Variants in SORCS2 observed in about 807,000 individuals in gnomAD.
The protein encoded by SORCS2 is sortilin related VPS10 domain containing receptor 2, also known as VPS10 domain-containing receptor SorCS2.
SORCS2 carries 100 observed loss-of-function variants against 141.6 expected under a neutral mutation model. That is an observed-to-expected ratio of 0.71 (90% CI 0.60 to 0.83). The LOEUF is 0.83. Ranked by LOEUF, SORCS2 falls within the 40% of genes least tolerant of loss-of-function variation. SORCS2 has a pLI of 0.00. For synonymous variants in SORCS2, 789 were observed against 676.9 expected, an observed-to-expected ratio of 1.17 and a Z score of -2.57; for missense variants, 1,646 against 1,560.2, an observed-to-expected ratio of 1.05 and a Z score of -0.93.
At chr4:7,728,848 C>G (rs770188818) in intron 22 of SORCS2, among the ~76,000 whole-genome samples, 7 of 152,198 alleles carry the variant, frequency 4.6e-5, no homozygotes, top group Non-Finnish European at 7.3e-5. Context: ...GAGAAGAACC[C>G]AGTGTGCTCA....
intron 2 of SORCS2, among the ~76,000 whole-genome samples, chr4:7,480,743 C>A (rs754214442): frequency 4.6e-5 from 7 of 152,194 alleles, no homozygotes; most frequent in Admixed American, 1.3e-4. Flanking sequence ...ACCGTGCAGA[C>A]GCATCCCCTC....
intron 1 of SORCS2, among the ~76,000 whole-genome samples, chr4:7,350,613 C>T (rs1041414244): frequency 9.2e-5 from 14 of 152,306 alleles, no homozygotes; most frequent in East Asian, 5.8e-4. Context: ...CCAGGACTCC[C>T]GGCAGGCGGC....
chr4:7,585,749 A>T (rs554421323), intron 3 of SORCS2, among the ~76,000 whole-genome samples: 1 of 152,310 alleles, frequency 6.6e-6, no homozygotes, highest in East Asian at 1.9e-4. Context: ...GCTAGGGTAC[A>T]TCTCCAAGGA....
chr4:7,407,425 A>G (rs1346113079), intron 2 of SORCS2, among the ~76,000 whole-genome samples: 1 of 152,116 alleles, frequency 6.6e-6, no homozygotes, highest in African/African-American at 2.4e-5. Flanking sequence ...CTTTATCATT[A>G]TATAGTGACC....
At chr4:7,274,867 C>A (rs1432461435) in intron 1 of SORCS2, among the ~76,000 whole-genome samples, 2 of 152,136 alleles carry the variant, frequency 1.3e-5, no homozygotes, top group Non-Finnish European at 2.9e-5. Context: ...TTGGGTTCAA[C>A]ACCCTGCTCC....
chr4:7,695,248 G>A (rs1396872541), intron 11 of SORCS2, among the ~76,000 whole-genome samples: 11 of 138,094 alleles, frequency 8.0e-5, no homozygotes, highest in Admixed American at 5.4e-4. Context: ...GAGTGGATGG[G>A]TGGATGGTTA....
rs540318006 is a variant in SORCS2 at position 7,722,994 on chromosome 4, T to A, written c.2425-703T>A. ...AAGGGAGGGAGGGAGAATGTGATCA[T>A]GAGCCATAAATCGAAGAAGTTCCTG... On this transcript the variant is annotated intron_variant, in intron 18 of 26. Coordinates refer to ENST00000507866, the MANE Select transcript of SORCS2 (RefSeq NM_020777.3). Among the ~76,000 whole-genome samples, 463 of 152,048 alleles carry A rather than the reference T, an allele frequency of 3.0e-3. 5 individuals carry two copies. Among genetic ancestry groups the A allele is most frequent in the African/African-American group, 0.01 (424 of 41,470 alleles).
intron 3 of SORCS2, among the ~76,000 whole-genome samples, chr4:7,567,288 T>C (rs1435975514): frequency 2.6e-5 from 4 of 152,122 alleles, no homozygotes; most frequent in African/African-American, 9.7e-5. Context: ...CCTTAGTCTT[T>C]ACCTAATGCC....
chr4:7,257,115 T>C (rs908479137), intron 1 of SORCS2, among the ~76,000 whole-genome samples: 19 of 151,946 alleles, frequency 1.3e-4, no homozygotes, highest in African/African-American at 4.3e-4. Flanking sequence ...AGGGATATTA[T>C]TAGAATGTGT....
rs886080147 is a variant in SORCS2, at chr4:7,201,180, T to G, written c.480+8054T>G. Among the ~76,000 whole-genome samples, 5 of 152,032 alleles carry G rather than the reference T, an allele frequency of 3.3e-5. No individual in the cohort carries two copies. The highest frequency in any genetic ancestry group is 7.4e-5 in the Non-Finnish European group (5 of 68,016). ...CTGCAGGATGAGTAGAGTCCCGGGC[T>G]GAGGAGGAGGTTGGAATGGTGAGAA... On this transcript the variant is annotated intron_variant, in intron 1 of 26. Coordinates refer to ENST00000507866, the MANE Select transcript of SORCS2 (RefSeq NM_020777.3). The surrounding 1 kb of genome is among the most constrained non-coding windows in gnomAD (Gnocchi z 4.4).
intron 10 of SORCS2, among the ~76,000 whole-genome samples, chr4:7,687,936 C>A (rs577448050): frequency 1.3e-5 from 2 of 152,310 alleles, no homozygotes; most frequent in South Asian, 4.2e-4. Flanking sequence ...TCTGTAGATT[C>A]CCTGCTCCGG....
intron 23 of SORCS2, among the ~76,000 whole-genome samples, chr4:7,732,728 C>T (rs1018283633): frequency 6.6e-6 from 1 of 152,138 alleles, no homozygotes; most frequent in African/African-American, 2.4e-5. Flanking sequence ...TGGCACACTC[C>T]GTAGCCTGTG....
intron 2 of SORCS2, among the ~76,000 whole-genome samples, chr4:7,466,583 C>G (rs1729630188): frequency 6.6e-6 from 1 of 152,178 alleles, no homozygotes; most frequent in Admixed American, 6.5e-5. Context: ...CAGTGGAAAC[C>G]CATGGAAAGG....
intron 3 of SORCS2, among the ~76,000 whole-genome samples, chr4:7,585,014 G>C (rs1302955233): frequency 6.6e-6 from 1 of 152,192 alleles, no homozygotes; most frequent in Non-Finnish European, 1.5e-5. Flanking sequence ...CAACATGCAC[G>C]CCCTGAGAGG....
intron 1 of SORCS2, among the ~76,000 whole-genome samples, chr4:7,227,163 TC>T (rs1729040159): frequency 6.6e-6 from 1 of 152,218 alleles, no homozygotes; most frequent in African/African-American, 2.4e-5. Flanking sequence ...GGAAGGAACA[TC>T]AGGCTTGAGC....
At chr4:7,315,305 G>T (rs1263723118) in intron 1 of SORCS2, among the ~76,000 whole-genome samples, 2 of 152,222 alleles carry the variant, frequency 1.3e-5, no homozygotes, top group African/African-American at 2.4e-5. Flanking sequence ...TGGTCACAAG[G>T]TTCCTGAGAT....
At chr4:7,389,056 C>T (rs763350317) in intron 1 of SORCS2, among the ~76,000 whole-genome samples, 5 of 152,110 alleles carry the variant, frequency 3.3e-5, no homozygotes, top group South Asian at 2.1e-4. Flanking sequence ...TGCCCCACTG[C>T]GGGTGGATCA....
intron 2 of SORCS2, among the ~76,000 whole-genome samples, chr4:7,516,953 C>T (rs531482114): frequency 6.6e-6 from 1 of 152,332 alleles, no homozygotes; most frequent in African/African-American, 2.4e-5. Flanking sequence ...GCCCCTCTAC[C>T]TCCTCCCTCC....
intron 11 of SORCS2, among the ~76,000 whole-genome samples, chr4:7,696,438 G>T (rs545750675): frequency 6.5e-4 from 99 of 152,340 alleles, no homozygotes; most frequent in African/African-American, 2.3e-3. Flanking sequence ...CCTGGTGCTT[G>T]TGCTGTTATG....
Sources: allele counts gnomAD v4.1 joint callset (sites outside exome capture counted in the v4.1 genomes callset), GRCh38; gene constraint gnomAD v4.1.1; non-coding constraint Gnocchi (gnomAD v3.1); transcripts MANE v1.5; gene names NCBI Gene and HGNC (gene_info 2026-07-23, HGNC 2026-07-21).